CORO1A: variants seen among roughly 807,000 people sequenced by gnomAD.
CORO1A encodes the protein coronin 1A, also known as coronin-1A.
Under a neutral mutation model 44.1 loss-of-function variants are expected in CORO1A, and 17 were observed. The ratio of observed to expected loss-of-function variants is 0.39; its 90% CI spans 0.26 to 0.58. The LOEUF (loss-of-function observed/expected upper bound fraction) is 0.58. Ranked by LOEUF, CORO1A falls within the 20% of genes least tolerant of loss-of-function variation. The pLI, the probability that CORO1A is intolerant of heterozygous loss-of-function variation, is 0.62. For missense variants in CORO1A, 415 were observed against 606.5 expected (o/e 0.68, Z 3.32); for synonymous variants, 271 against 244.2 (o/e 1.11, Z -1.02).
chr16:30,187,862 T>A, intron 7 of CORO1A, 33 bp downstream of exon 7: 1 of 140,660 alleles, frequency 7.1e-6, no homozygotes, highest in Non-Finnish European at 1.2e-5. Context: ...GGGTGGGAGG[T>A]GGGCAGGATG....
Position 30,189,058 on chromosome 16 carries a change from A to G in CORO1A, c.*94A>G. ...TGGCAGAGAAAAAAATCATAATAAA[A>G]TGGCTTTATTTTCTGGTACCTCCCA... is the stretch of plus-strand genomic sequence containing the variant. On this transcript the variant is annotated 3_prime_UTR_variant, in exon 11 of 11. Coordinates refer to ENST00000219150, the MANE Select transcript of CORO1A (RefSeq NM_007074.4). 7.6e-6 allele frequency: 1 copy of G among 131,216 alleles called. No individual in the cohort carries two copies. Among genetic ancestry groups the G allele is most frequent in the South Asian group, 4.0e-5 (1 of 24,712 alleles). The allele number at this position is 131,216 out of a possible 1,614,324, so 8.1% of individuals were successfully genotyped here.
intron 7 of CORO1A, 40 bp from the exon 8 acceptor site, chr16:30,187,902 C>G (rs1412266675): frequency 1.2e-6 from 2 of 1,613,004 alleles, no homozygotes; most frequent in South Asian, 2.2e-5. Flanking sequence ...CAGTGGGCAT[C>G]CGCTGGTATT....
chr16:30,187,222 CTG>C lies in CORO1A; in HGVS notation c.636+2_636+3del. 6.2e-7 allele frequency: 1 copy of C among 1,611,744 alleles called. No individual in the cohort carries two copies. The highest frequency in any genetic ancestry group is 8.5e-7 in the Non-Finnish European group (1 of 1,180,002). On this transcript the variant is annotated splice_donor_variant and coding_sequence_variant, in exon 5 of 11. Coordinates refer to ENST00000219150, the MANE Select transcript of CORO1A (RefSeq NM_007074.4). LOFTEE classifies it high-confidence loss of function. ...GAGCCCCGCAAAGGCACTGTCGTAGCTGTGAGTCGCCATCTACCCTGACCTTT... is the reference window on the plus strand; with the variant it reads ...GAGCCCCGCAAAGGCACTGTCGTAGCTGAGTCGCCATCTACCCTGACCTTT...
At chr16:30,187,879 G>A (rs775164094) in intron 7 of CORO1A, 50 bp downstream of exon 7, 6 of 1,610,618 alleles carry the variant, frequency 3.7e-6, no homozygotes, top group Non-Finnish European at 5.1e-6. Flanking sequence ...GATGGGCCTG[G>A]AGAGGGCCAG....
At chr16:30,188,308 G>A (rs931150694) in intron 9 of CORO1A, 53 bp from the exon 10 acceptor site, 22 of 1,610,512 alleles carry the variant, frequency 1.4e-5, no homozygotes, top group Admixed American at 6.7e-5. Flanking sequence ...GCGGTCTTGT[G>A]GGGGGTGTCC....
In CORO1A at chr16:30,188,443, G is replaced by T. The variant is rs61736366; in HGVS notation, c.1148G>T (p.Arg383Leu). 1 of 1,613,414 alleles carries T rather than the reference G, an allele frequency of 6.2e-7. No homozygotes were observed. The highest frequency in any genetic ancestry group is 8.5e-7 in the Non-Finnish European group (1 of 1,179,978). ...ALTAEEWLGG[R>L]DAGPLLISLK... ...ACGGCTGAGGAGTGGCTGGGGGGTC[G>T]GGATGCTGGGCCCCTCCTCATCTCC... The change falls in exon 10 of 11, where the codon CGG (arginine) becomes CTG (leucine). Residue 383 changes from arginine to leucine, a missense_variant. Coordinates refer to ENST00000219150, the MANE Select transcript of CORO1A (RefSeq NM_007074.4).
intron 6 of CORO1A, 79 bp downstream of exon 6, chr16:30,187,580 C>T: frequency 1.9e-6 from 3 of 1,541,888 alleles, no homozygotes; most frequent in Non-Finnish European, 2.6e-6. Flanking sequence ...CTGCCACTCA[C>T]CTGGCAGGAT....
Position 30,188,215 on chromosome 16 carries a change from G to A in CORO1A, c.1031G>A (p.Arg344Lys), listed in dbSNP as rs2073367175. ...AGGTTCTACAAGCTGCACGAGCGGA[G>A]GTGTGAGCCCATTGCCATGACAGTG... The part of the protein sequence containing the change: ...IARFYKLHER[R>K]CEPIAMTVPR... The change falls in exon 9 of 11, where the codon AGG becomes AAG. Residue 344 changes from arginine to lysine, a missense_variant. Physicochemically the swap from Arg to Lys is conservative, Grantham distance 26. Coordinates refer to ENST00000219150, the MANE Select transcript of CORO1A (RefSeq NM_007074.4). 1.2e-6 allele frequency: 2 copies of A among 1,614,142 alleles called. No individual in the cohort carries two copies. Among genetic ancestry groups the A allele is most frequent in the Non-Finnish European group, 1.7e-6 (2 of 1,180,028 alleles).
intron 7 of CORO1A, 36 bp downstream of exon 7, chr16:30,187,865 G>GGGGGGGGGGGGGGGCCCGGGGGC: frequency 1.9e-6 from 1 of 513,354 alleles, no homozygotes; most frequent in Non-Finnish European, 3.6e-6. Context: ...TGGGAGGTGG[G>GGGGGGGGGGGGGGGCCCGGGGGC]CAGGATGGGC....
intron 2 of CORO1A, 58 bp downstream of exon 2, chr16:30,185,465 A>G (rs956252717): frequency 6.6e-7 from 1 of 1,511,038 alleles, no homozygotes; most frequent in Admixed American, 1.8e-5. Context: ...GGCTCTGTGC[A>G]GGTCCTGATT....
At position 30,186,803 on chromosome 16, in the gene CORO1A, CCCT is replaced by C. The variant is rs756290143; in HGVS notation, c.322-8_322-6del. 3 of 1,609,942 alleles carry C rather than the reference CCCT, an allele frequency of 1.9e-6. No homozygotes were observed. In the South Asian group the frequency reaches 3.3e-5, roughly 18 times the overall value. ...TTTGGAGTCCTGAAGACTCACTGGC[CCCT>C]CCTCTGCAGGTGTGGGAGATCCCAG... On this transcript the variant is annotated splice_polypyrimidine_tract_variant and intron_variant, in intron 3 of 10. Transcript: ENST00000219150.
chr16:30,185,166 G>A (rs760813616), intron 1 of CORO1A, 43 bp from the exon 2 acceptor site: 8 of 1,601,142 alleles, frequency 5.0e-6, no homozygotes, highest in East Asian at 2.2e-5. Context: ...GAAGATCAGA[G>A]TTGACCTGAA....
Position 30,187,727 on chromosome 16 carries a change from G to C in CORO1A, c.759G>C (p.Lys253Asn). Residue 253 changes from lysine to asparagine, a missense_variant and splice_region_variant, in exon 7 of 11, where the codon AAG (lysine) becomes AAC (asparagine). Lys to Asn is a moderately conservative substitution (Grantham distance 94). This residue lies in a region of CORO1A where 325 missense variants were observed against 521.7 expected (regional missense o/e 0.62). Transcript: ENST00000219150. Reference protein sequence around the residue: ...SERQVALWDTKHLEEPLSLQE... With the variant: ...SERQVALWDTNHLEEPLSLQE... The stretch of plus-strand genomic sequence containing the variant: ...TTACCTCTCACCTGTGTCTACAGAA[G>C]CACCTGGAGGAGCCGCTGTCCCTGC... The C allele has an allele frequency of 6.2e-7, 1 of 1,610,072 alleles. No homozygotes were observed. Among genetic ancestry groups the C allele is most frequent in the Non-Finnish European group, 8.5e-7 (1 of 1,177,328 alleles).
chr16:30,188,294 CTT>C (rs2073368826), intron 9 of CORO1A, 45 bp downstream of exon 9: 1 of 1,612,196 alleles, frequency 6.2e-7, no homozygotes, highest in African/African-American at 1.3e-5. Flanking sequence ...TGGGCACTGA[CTT>C]TGCGGTCTTG....
chr16:30,188,254 T>C lies in CORO1A; in HGVS notation c.1065+5T>C, dbSNP rs1245389503. 6.2e-7 allele frequency: 1 copy of C among 1,613,888 alleles called. No homozygotes were observed. Among genetic ancestry groups the C allele is most frequent in the South Asian group, 1.1e-5 (1 of 91,086 alleles). On this transcript the variant is annotated splice_donor_5th_base_variant and intron_variant, in intron 9 of 10. Transcript: ENST00000219150. Reference sequence around the variant, plus strand: ...GCCATGACAGTGCCTCGAAAGGTGATGCTCCCCCGCCCCACCCTGGGCTCC... The same window carrying C: ...GCCATGACAGTGCCTCGAAAGGTGACGCTCCCCCGCCCCACCCTGGGCTCC...
chr16:30,185,263 G>A lies in CORO1A; in HGVS notation c.54G>A (p.Pro18=), dbSNP rs61736363. 12 of 1,614,210 alleles carry A rather than the reference G, an allele frequency of 7.4e-6. No individual in the cohort carries two copies. The highest frequency in any genetic ancestry group is 1.7e-5 in the Admixed American group (1 of 60,034). ...SSKFRHVFGQ[P]AKADQCYEDV... Reference sequence around the variant, plus strand: ...AGTTCCGCCACGTGTTTGGACAGCCGGCCAAGGCCGACCAGTGCTATGAAG... The same window carrying A: ...AGTTCCGCCACGTGTTTGGACAGCCAGCCAAGGCCGACCAGTGCTATGAAG... Residue 18 remains proline (P), a synonymous_variant, in exon 2 of 11, where the codon CCG becomes CCA. Transcript: ENST00000219150.
chr16:30,187,978 G>A lies in CORO1A; in HGVS notation c.898G>A (p.Glu300Lys). 1 of 1,614,014 alleles carries A rather than the reference G, an allele frequency of 6.2e-7. No individual in the cohort carries two copies. Among genetic ancestry groups the A allele is most frequent in the Non-Finnish European group, 8.5e-7 (1 of 1,180,004 alleles). The part of the protein sequence containing the change: ...SSIRYFEITS[E>K]APFLHYLSMF... ...AATCCGGTACTTTGAGATCACTTCCGAGGCCCCTTTCCTGCACTATCTCTC... is the reference window on the plus strand; with the variant it reads ...AATCCGGTACTTTGAGATCACTTCCAAGGCCCCTTTCCTGCACTATCTCTC... Residue 300 changes from glutamate (E) to lysine (K), a missense_variant, in exon 8 of 11, where the codon GAG (glutamate) becomes AAG (lysine). Coordinates refer to ENST00000219150, the MANE Select transcript of CORO1A (RefSeq NM_007074.4).
intron 2 of CORO1A, chr16:30,186,228 C>A: frequency 2.8e-6 from 1 of 351,164 alleles, no homozygotes; most frequent in South Asian, 2.3e-5. Flanking sequence ...CCTCCACCCC[C>A]CCAGCCCCCA....
At chr16:30,185,551 T>C in intron 2 of CORO1A, 144 bp downstream of exon 2, 1 of 675,170 alleles carries the variant, frequency 1.5e-6, no homozygotes, top group Non-Finnish European at 2.5e-6. Flanking sequence ...AGCCTTACAC[T>C]TCCTCCAGCT....
Sources: allele counts gnomAD v4.1 joint callset, GRCh38; gene constraint gnomAD v4.1.1; regional missense constraint gnomAD v4.1.1; transcripts MANE v1.5; gene names NCBI Gene and HGNC (gene_info 2026-07-23, HGNC 2026-07-21).